The following ERICH6 variants were observed in gnomAD, a reference collection of about 807,000 sequenced individuals.
ERICH6 encodes the protein glutamate-rich protein 6.
A neutral mutation model predicts 71.0 loss-of-function variants in ERICH6; 71 were observed. That is an observed-to-expected ratio of 1.00 (90% CI 0.83 to 1.22). ERICH6 has a LOEUF of 1.22. Among genes scored for constraint, ERICH6 ranks in the 50% most tolerant of loss-of-function variants. The probability of loss-of-function intolerance (pLI) is 0.00; values close to 1 mark genes in which losing one functional copy is unlikely to be tolerated. For missense variants in ERICH6, 808 were observed against 797.2 expected (o/e 1.01, Z -0.16); for synonymous variants, 262 against 278.4 (o/e 0.94, Z 0.59).
intron 7 of ERICH6, 112 bp from the exon 8 acceptor site, chr3:150,681,042 G>A: frequency 9.2e-7 from 1 of 1,084,200 alleles, no homozygotes; most frequent in Non-Finnish European, 1.3e-6. Context: ...TTTTTATTCT[G>A]GTAATAGCTT....
chr3:150,703,489 G>A lies in ERICH6; in HGVS notation c.403+7C>T, dbSNP rs1226389723. 3.8e-6 allele frequency: 6 copies of A among 1,578,760 alleles called. No homozygotes were observed. Among genetic ancestry groups the A allele is most frequent in the Non-Finnish European group, 4.3e-6 (5 of 1,162,624 alleles). Reference sequence around the variant, plus strand: ...CCCTCGAGGAAGGGGTGGGTCGGGGGCGGTACTTTTATGCGAGGAGGTGCT... The same window carrying A: ...CCCTCGAGGAAGGGGTGGGTCGGGGACGGTACTTTTATGCGAGGAGGTGCT... On this transcript the variant is annotated splice_region_variant and intron_variant, in intron 1 of 13. Coordinates refer to ENST00000295910, the MANE Select transcript of ERICH6 (RefSeq NM_152394.5).
At position 150,691,703 on chromosome 3, in the gene ERICH6, A is replaced by G. The variant is rs556409421; in HGVS notation, c.554-5349T>C. ...ATTATTAAGTTTTGGTTTGCTTAGG[A>G]AAAAAAGCTGAGATTATTTTTTTTT... On this transcript the variant is annotated intron_variant, in intron 3 of 13. Coordinates refer to ENST00000295910, the MANE Select transcript of ERICH6 (RefSeq NM_152394.5). Among the ~76,000 whole-genome samples the G allele has an allele frequency of 2.6e-5, 4 of 151,212 alleles. No homozygotes were observed. In the South Asian group the frequency reaches 6.2e-4, roughly 24 times the overall value.
chr3:150,660,202 A>ACTCCC, intron 13 of ERICH6, 47 bp from the exon 14 acceptor site: 1 of 1,589,034 alleles, frequency 6.3e-7, no homozygotes, highest in Non-Finnish European at 8.6e-7. Context: ...CCAGAAGTGG[A>ACTCCC]ACTGGGGAGG....
intron 10 of ERICH6, 38 bp downstream of exon 10, chr3:150,678,371 T>C (rs769875379): frequency 2.0e-6 from 3 of 1,529,536 alleles, no homozygotes; most frequent in South Asian, 1.3e-5. Flanking sequence ...AACTGGTTTT[T>C]TTTAAAATAG....
At chr3:150,690,832 T>C (rs1396075168) in intron 3 of ERICH6, among the ~76,000 whole-genome samples, 3 of 152,342 alleles carry the variant, frequency 2.0e-5, no homozygotes, top group Non-Finnish European at 4.4e-5. Flanking sequence ...GATCTTTGCT[T>C]GTATAATCTT....
intron 8 of ERICH6, 60 bp downstream of exon 8, chr3:150,680,713 C>T: frequency 6.4e-7 from 1 of 1,562,874 alleles, no homozygotes; most frequent in South Asian, 1.2e-5. Flanking sequence ...GGTTCATTTA[C>T]AAAACGAGCT....
chr3:150,682,219 T>C lies in ERICH6; in HGVS notation c.881A>G (p.His294Arg). Residue 294 changes from histidine to arginine, a missense_variant and splice_region_variant, in exon 7 of 14, where the codon CAT becomes CGT. Physicochemically the swap from His to Arg is conservative, Grantham distance 29. This residue lies in a region of ERICH6 where 736 missense variants were observed against 712.2 expected (regional missense o/e 1.03). Transcript: ENST00000295910. Reference sequence around the variant, plus strand: ...CAGTAAACCTGACTTAGAACTTACATGCCCTTTTGGTTCAGAGGAAACATC... The same window carrying C: ...CAGTAAACCTGACTTAGAACTTACACGCCCTTTTGGTTCAGAGGAAACATC... ...NVDVSSEPKG[H>R]ASCCIAFQNL... is the part of the protein sequence containing the mutation. 1.9e-6 allele frequency: 3 copies of C among 1,612,426 alleles called. No homozygotes were observed. The highest frequency in any genetic ancestry group is 2.2e-5 in the South Asian group (2 of 91,002).
chr3:150,674,020 C>T lies in ERICH6; in HGVS notation c.1279G>A (p.Glu427Lys). The T allele has an allele frequency of 1.9e-6, 3 of 1,614,074 alleles. No homozygotes were observed. The highest frequency in any genetic ancestry group is 2.5e-6 in the Non-Finnish European group (3 of 1,179,990). The change falls in exon 11 of 14, where the codon GAG becomes AAG. Residue 427 changes from glutamate (E) to lysine (K), a missense_variant. This residue lies in a region of ERICH6 where 736 missense variants were observed against 712.2 expected (regional missense o/e 1.03). Coordinates refer to ENST00000295910, the MANE Select transcript of ERICH6 (RefSeq NM_152394.5). ...TTGCTCCCATGTTTGTAGTGCTTCTCTAAGAGCTCATTCCTGACAACCTAT... is the reference window on the plus strand; with the variant it reads ...TTGCTCCCATGTTTGTAGTGCTTCTTTAAGAGCTCATTCCTGACAACCTAT... ...CGKVVRNELL[E>K]KHYKHGSKFL...
At chr3:150,692,218 A>G (rs1171630683) in intron 3 of ERICH6, among the ~76,000 whole-genome samples, 1 of 152,190 alleles carries the variant, frequency 6.6e-6, no homozygotes, top group Non-Finnish European at 1.5e-5. Flanking sequence ...TAGATTGTTT[A>G]TAAAATTTTG....
intron 3 of ERICH6, among the ~76,000 whole-genome samples, chr3:150,696,338 G>A (rs1009573486): frequency 6.6e-6 from 1 of 152,044 alleles, no homozygotes; most frequent in African/African-American, 2.4e-5. Context: ...TAAAATTCTA[G>A]AAGTTTTAGA....
rs748197140 is a variant in ERICH6 at position 150,685,731 on chromosome 3, A to G, written c.783+11T>C. ...TTAAGAGTAATAATAAGAAACATGA[A>G]TTAAAGTCACCTTGAAGTTAATGCC... On this transcript the variant is annotated intron_variant, in intron 6 of 13. Transcript: ENST00000295910. The G allele has an allele frequency of 1.3e-6, 2 of 1,593,786 alleles. No individual in the cohort carries two copies. Among genetic ancestry groups the G allele is most frequent in the East Asian group, 2.2e-5 (1 of 44,728 alleles).
Position 150,703,872 on chromosome 3 carries a change from G to A in ERICH6, c.27C>T (p.Gly9=). The change falls in exon 1 of 14, where the codon GGC becomes GGT. Residue 9 remains glycine (G), a synonymous_variant. Transcript: ENST00000295910. MAHLRSPS[G]FGDPGKKDQK... ...GGTCCTTCTTCCCCGGGTCTCCGAA[G>A]CCGCTAGGCGAGCGCAAGTGGGCCA... The A allele has an allele frequency of 6.2e-7, 1 of 1,613,184 alleles. No individual in the cohort carries two copies. The highest frequency in any genetic ancestry group is 8.5e-7 in the Non-Finnish European group (1 of 1,179,646).
chr3:150,694,138 A>G (rs1292005498), intron 3 of ERICH6, among the ~76,000 whole-genome samples: 2 of 152,132 alleles, frequency 1.3e-5, no homozygotes, highest in Admixed American at 6.6e-5. Flanking sequence ...TTCATAGGAC[A>G]TGAGACTTCA....
intron 3 of ERICH6, among the ~76,000 whole-genome samples, chr3:150,693,193 T>C (rs1383299894): frequency 1.3e-5 from 2 of 152,228 alleles, no homozygotes; most frequent in Non-Finnish European, 2.9e-5. Flanking sequence ...TTTGTGAGTA[T>C]TCTTAACTTA....
chr3:150,673,111 TTTCC>T (rs1005556044), intron 11 of ERICH6, among the ~76,000 whole-genome samples: 81 of 150,618 alleles, frequency 5.4e-4, no homozygotes, highest in African/African-American at 1.8e-3. Flanking sequence ...TTCCTTCCTT[TTTCC>T]TTCCTTCCTT....
At chr3:150,702,818 G>GTT (rs1330300574) in intron 1 of ERICH6, among the ~76,000 whole-genome samples, 1 of 76,968 alleles carries the variant, frequency 1.3e-5, no homozygotes, top group Middle Eastern at 6.4e-3. Flanking sequence ...ACAAAAGAGA[G>GTT]TTGTTTTTTT....
rs572119829 is a variant in ERICH6 at position 150,670,179 on chromosome 3, C to T, written c.1344-728G>A. On this transcript the variant is annotated intron_variant, in intron 11 of 13. Coordinates refer to ENST00000295910, the MANE Select transcript of ERICH6 (RefSeq NM_152394.5). ...GTCCACTCTTACTACTTCTATTCAA[C>T]ATCGCACTATTAATAGATGTTCTGG... is the stretch of plus-strand genomic sequence containing the variant. 1.4e-3 allele frequency among the ~76,000 whole-genome samples: 218 copies of T among 152,202 alleles called. 1 individual carries two copies. The highest frequency in any genetic ancestry group is 4.3e-3 in the African/African-American group (178 of 41,534).
intron 6 of ERICH6, 110 bp downstream of exon 6, chr3:150,685,632 C>CTT (rs138634429): frequency 2.0e-4 from 155 of 774,526 alleles, no homozygotes; most frequent in African/African-American, 2.7e-4. Flanking sequence ...AGCTCTTTGG[C>CTT]TTTTTTTTTT....
intron 13 of ERICH6, among the ~76,000 whole-genome samples, chr3:150,665,606 T>G (rs1727383623): frequency 6.6e-6 from 1 of 150,918 alleles, no homozygotes; most frequent in Admixed American, 6.6e-5. Flanking sequence ...GCAGGTGGAT[T>G]ACCTGAGGTC....
Sources: gnomAD v4.1 joint callset for allele counts (sites outside exome capture counted in the v4.1 genomes callset) on GRCh38, gnomAD v4.1.1 for gene constraint, gnomAD v4.1.1 regional missense constraint, MANE v1.5 for transcripts, NCBI Gene and HGNC (gene_info 2026-07-23, HGNC 2026-07-21) for gene names.